The following RBFOX1 variants were observed in gnomAD, a reference collection of about 807,000 sequenced individuals.
RBFOX1 encodes RNA binding protein fox-1 homolog 1.
In RBFOX1, 8 loss-of-function variants were observed where a neutral mutation model predicts 57.7. The ratio of observed to expected loss-of-function variants is 0.14; its 90% CI spans 0.08 to 0.25. The LOEUF (loss-of-function observed/expected upper bound fraction) is 0.25, where lower values mean the gene tolerates loss of function less well. Among genes scored for constraint, RBFOX1 ranks in the 10% least tolerant of loss-of-function variants. RBFOX1 has a pLI of 1.00. For missense variants in RBFOX1, 611 were observed against 548.5 expected (o/e 1.11, Z -1.14); for synonymous variants, 326 against 222.4 (o/e 1.47, Z -4.15).
chr16:6,835,577 C>T (rs1018239490), intron 3 of RBFOX1, among the ~76,000 whole-genome samples: 2 of 151,574 alleles, frequency 1.3e-5, no homozygotes, highest in East Asian at 2.0e-4. Context: ...CATGGTAAAA[C>T]CCCATCTCTA....
At chr16:5,624,853 T>G (rs2048303136) in intron 3 of RBFOX1, among the ~76,000 whole-genome samples, 1 of 152,180 alleles carries the variant, frequency 6.6e-6, no homozygotes, top group African/African-American at 2.4e-5. Flanking sequence ...AGCTGCTTGC[T>G]GAATGGCTCT....
chr16:6,703,534 G>A (rs1366553359), intron 3 of RBFOX1, among the ~76,000 whole-genome samples: 1 of 151,892 alleles, frequency 6.6e-6, no homozygotes, highest in Non-Finnish European at 1.5e-5. Flanking sequence ...AACATACTGT[G>A]ACCCTGCCTC....
At chr16:6,630,453 T>C (rs1022629224) in intron 2 of RBFOX1, among the ~76,000 whole-genome samples, 3 of 152,194 alleles carry the variant, frequency 2.0e-5, no homozygotes, top group African/African-American at 7.2e-5. Context: ...AATGGTGATA[T>C]AACATCAGTT....
chr16:5,993,158 C>T (rs1320271501), intron 4 of RBFOX1, among the ~76,000 whole-genome samples: 1 of 152,146 alleles, frequency 6.6e-6, no homozygotes, highest in Non-Finnish European at 1.5e-5. Flanking sequence ...GACCTTTTGT[C>T]TTCTGTCCAC....
chr16:6,966,448 G>A (rs2084180481), intron 3 of RBFOX1, among the ~76,000 whole-genome samples: 1 of 152,164 alleles, frequency 6.6e-6, no homozygotes, highest in Non-Finnish European at 1.5e-5. Context: ...GCGAGGTGGA[G>A]GGGTGAGCTC....
chr16:6,325,987 G>A (rs2082325239), intron 2 of RBFOX1, among the ~76,000 whole-genome samples: 1 of 152,202 alleles, frequency 6.6e-6, no homozygotes, highest in African/African-American at 2.4e-5. Flanking sequence ...GCTGAGAAGG[G>A]ATGTCCTCTC....
rs1302716587 is a variant in RBFOX1, at chr16:6,907,905, C to A, written c.-15-144152C>A. Reference sequence around the variant, plus strand: ...TGTGGTTGGCTGGCAGTCATGGGTGCTCCTTGCTTGTAGATATGTCACCTG... The same window carrying A: ...TGTGGTTGGCTGGCAGTCATGGGTGATCCTTGCTTGTAGATATGTCACCTG... On this transcript the variant is annotated intron_variant, in intron 3 of 15. Transcript: ENST00000550418. Among the ~76,000 whole-genome samples the A allele has an allele frequency of 1.3e-5, 2 of 151,622 alleles. 1 individual carries two copies. Among genetic ancestry groups the A allele is most frequent in the Non-Finnish European group, 3.0e-5 (2 of 67,736 alleles).
At chr16:6,271,675 C>T (rs2075235450) in intron 1 of RBFOX1, among the ~76,000 whole-genome samples, 1 of 152,124 alleles carries the variant, frequency 6.6e-6, no homozygotes, top group South Asian at 2.1e-4. Flanking sequence ...TAAATAACTC[C>T]ACAAACTTAT....
At chr16:7,186,180 A>G (rs1169084140) in intron 4 of RBFOX1, among the ~76,000 whole-genome samples, 1 of 150,482 alleles carries the variant, frequency 6.6e-6, no homozygotes, top group Non-Finnish European at 1.5e-5. Context: ...ATAAATATGT[A>G]TATAAATATA....
rs183667127 is a variant in RBFOX1, at chr16:6,462,342, G to T, written c.-64+145285G>T. The stretch of plus-strand genomic sequence containing the variant: ...TGTGCATGCTTATGCTTTTTAAAGG[G>T]TGGCCTCATCCTCCGCCTTTTATTC... On this transcript the variant is annotated intron_variant, in intron 2 of 15. Transcript: ENST00000550418. Among the ~76,000 whole-genome samples the T allele has an allele frequency of 9.9e-3, 1,502 of 152,208 alleles. 16 individuals are homozygous for T. Among genetic ancestry groups the T allele is most frequent in the Non-Finnish European group, 0.015 (991 of 68,028 alleles).
intron 3 of RBFOX1, among the ~76,000 whole-genome samples, chr16:6,972,448 C>T (rs1278435961): frequency 1.3e-5 from 2 of 152,118 alleles, no homozygotes; most frequent in African/African-American, 4.8e-5. Flanking sequence ...GTAATATTCC[C>T]TTATGTGGAA....
intron 4 of RBFOX1, among the ~76,000 whole-genome samples, chr16:7,331,396 G>C (rs2096692554): frequency 6.6e-6 from 1 of 152,084 alleles, no homozygotes; most frequent in Non-Finnish European, 1.5e-5. Flanking sequence ...TATTTGAGTG[G>C]ATTCACTTCA....
intron 2 of RBFOX1, among the ~76,000 whole-genome samples, chr16:6,654,029 T>C (rs1414113441): frequency 4.0e-5 from 6 of 150,100 alleles, no homozygotes; most frequent in Admixed American, 3.3e-4. Flanking sequence ...GGTGGGTCAA[T>C]GAATGGATAG....
At chr16:5,249,835 T>C (rs2062401303) in intron 1 of RBFOX1, among the ~76,000 whole-genome samples, 1 of 152,208 alleles carries the variant, frequency 6.6e-6, no homozygotes, top group African/African-American at 2.4e-5. Flanking sequence ...GGTGCCCACC[T>C]GTAATCCTAG....
chr16:6,344,978 T>A (rs1272088116), intron 2 of RBFOX1, among the ~76,000 whole-genome samples: 2 of 152,044 alleles, frequency 1.3e-5, no homozygotes, highest in Non-Finnish European at 2.9e-5. Flanking sequence ...TCTTACAGAA[T>A]CTTTGTGAGC....
intron 4 of RBFOX1, among the ~76,000 whole-genome samples, chr16:7,116,015 A>G (rs535313326): frequency 3.9e-5 from 6 of 152,172 alleles, no homozygotes; most frequent in Admixed American, 1.3e-4. Context: ...TGTGCCAGGC[A>G]CTGTACTAAG....
At chr16:6,648,020 TTA>T (rs1293149299) in intron 2 of RBFOX1, among the ~76,000 whole-genome samples, 1 of 152,128 alleles carries the variant, frequency 6.6e-6, no homozygotes, top group Non-Finnish European at 1.5e-5. Context: ...TTTTGTATTT[TTA>T]GTAGAGACAG....
chr16:5,913,932 A>T (rs528233622), intron 4 of RBFOX1, among the ~76,000 whole-genome samples: 1 of 152,182 alleles, frequency 6.6e-6, no homozygotes, highest in African/African-American at 2.4e-5. Flanking sequence ...ATATTCTGTC[A>T]CTCCTCTCAT....
chr16:6,237,525 C>T (rs1024297747), intron 1 of RBFOX1, among the ~76,000 whole-genome samples: 13 of 151,970 alleles, frequency 8.6e-5, no homozygotes, highest in African/African-American at 2.9e-4. Context: ...AGGTGGATTA[C>T]GAGGTCAGGA....
Sources: allele counts gnomAD v4.1 joint callset (sites outside exome capture counted in the v4.1 genomes callset), GRCh38; gene constraint gnomAD v4.1.1; transcripts MANE v1.5; gene names NCBI Gene and HGNC (gene_info 2026-07-23, HGNC 2026-07-21).